Variants in CBFA2T2 observed in about 807,000 individuals in gnomAD.
CBFA2T2 encodes CBFA2/RUNX1 partner transcriptional co-repressor 2.
In CBFA2T2, 11 loss-of-function variants were observed where a neutral mutation model predicts 62.2. The ratio of observed to expected loss-of-function variants is 0.18; its 90% CI spans 0.11 to 0.29. CBFA2T2 has a LOEUF of 0.29. Ranked by LOEUF, CBFA2T2 falls within the 10% of genes least tolerant of loss-of-function variation. The pLI is 1.00. For synonymous variants in CBFA2T2, 295 were observed against 287.5 expected, an observed-to-expected ratio of 1.03 and a Z score of -0.27; for missense variants, 592 against 774.1, an observed-to-expected ratio of 0.76 and a Z score of 2.79.
intron 1 of CBFA2T2, among the ~76,000 whole-genome samples, chr20:33,543,063 G>C (rs1381865142): frequency 1.3e-5 from 2 of 151,828 alleles, no homozygotes; most frequent in Non-Finnish European, 2.9e-5. Context: ...GCCCAGGCTG[G>C]AGTGCAGTGG....
intron 1 of CBFA2T2, among the ~76,000 whole-genome samples, chr20:33,567,074 CATATT>C (rs1199148557): frequency 2.6e-5 from 4 of 152,190 alleles, no homozygotes; most frequent in Non-Finnish European, 5.9e-5. Context: ...AGAAAAACAA[CATATT>C]ATAACTGGTG....
chr20:33,574,397 G>C (rs562016852), intron 1 of CBFA2T2: 2 of 656,244 alleles, frequency 3.0e-6, no homozygotes, highest in South Asian at 3.4e-5. Flanking sequence ...AGGCCAAGGC[G>C]GGTGGATCAC....
chr20:33,639,203 T>C (rs2016733572), intron 9 of CBFA2T2: 1 of 152,246 alleles, frequency 6.6e-6, no homozygotes, highest in Admixed American at 6.6e-5. Flanking sequence ...GTTCAATCAT[T>C]GCACCAGCCT....
intron 1 of CBFA2T2, among the ~76,000 whole-genome samples, chr20:33,556,274 C>A (rs1371269682): frequency 6.6e-6 from 1 of 152,120 alleles, no homozygotes; most frequent in African/African-American, 2.4e-5. Flanking sequence ...ACCAGTTGTT[C>A]TGTACTTAGT....
At chr20:33,590,312 A>G (rs1339465894) in intron 1 of CBFA2T2, among the ~76,000 whole-genome samples, 1 of 152,004 alleles carries the variant, frequency 6.6e-6, no homozygotes, top group East Asian at 1.9e-4. Flanking sequence ...GAAAATAGTT[A>G]AAAGAAACCA....
intron 1 of CBFA2T2, among the ~76,000 whole-genome samples, chr20:33,605,098 T>C (rs2015289780): frequency 6.6e-6 from 1 of 152,220 alleles, no homozygotes; most frequent in African/African-American, 2.4e-5. Flanking sequence ...CTTGATTGAC[T>C]TTATTATATC....
At chr20:33,524,897 C>G (rs897963412) in intron 1 of CBFA2T2, among the ~76,000 whole-genome samples, 1 of 152,144 alleles carries the variant, frequency 6.6e-6, no homozygotes, top group Non-Finnish European at 1.5e-5. Context: ...TACAGTGGCA[C>G]GATCTCAGCT....
Position 33,647,158 on chromosome 20 carries a change from C to T in CBFA2T2, c.*2512C>T, listed in dbSNP as rs1390035509. 2 of 152,246 alleles carry T rather than the reference C, an allele frequency of 1.3e-5. No homozygotes were observed. The highest frequency in any genetic ancestry group is 6.5e-5 in the Admixed American group (1 of 15,280). 9.4% of individuals were successfully genotyped at this position (152,246 alleles called of 1,614,324 possible). Reference sequence around the variant, plus strand: ...ACTCTAAGGGGGACGGAGTCAGTACCCCGGACAGGGCCACATTTGCATGAG... The same window carrying T: ...ACTCTAAGGGGGACGGAGTCAGTACTCCGGACAGGGCCACATTTGCATGAG... On this transcript the variant is annotated 3_prime_UTR_variant, in exon 11 of 11. Coordinates refer to ENST00000342704, the MANE Select transcript of CBFA2T2 (RefSeq NM_001032999.3).
At chr20:33,562,823 C>A in intron 1 of CBFA2T2, 1 of 348,776 alleles carries the variant, frequency 2.9e-6, no homozygotes, top group Non-Finnish European at 4.0e-6. Context: ...TATTTTAATG[C>A]TTCATTTTAT....
intron 9 of CBFA2T2, among the ~76,000 whole-genome samples, chr20:33,638,216 C>G (rs994841729): frequency 6.6e-6 from 1 of 151,960 alleles, no homozygotes; most frequent in Non-Finnish European, 1.5e-5. Flanking sequence ...TTCAGGTGAT[C>G]CACCCGCCTT....
chr20:33,592,972 G>A (rs1360621433), intron 1 of CBFA2T2, among the ~76,000 whole-genome samples: 2 of 152,086 alleles, frequency 1.3e-5, no homozygotes, highest in Non-Finnish European at 2.9e-5. Flanking sequence ...CTTTTCCATT[G>A]TAAAGAAGCT....
At position 33,623,419 on chromosome 20, in the gene CBFA2T2, G is replaced by A; in HGVS notation, c.692+123G>A. ...TGTCTCAAACTTTTTTTGAGACAAG[G>A]CCTGGCTCTGTCGCCCAGACTGGAG... is the stretch of plus-strand genomic sequence containing the variant. On this transcript the variant is annotated intron_variant, in intron 5 of 10. Transcript: ENST00000342704. 2 of 1,116,748 alleles carry A rather than the reference G, an allele frequency of 1.8e-6. 1 individual carries two copies. The highest frequency in any genetic ancestry group is 3.0e-5 in the South Asian group (2 of 67,482). The allele number at this position is 1,116,748 out of a possible 1,614,324, so 69.2% of individuals were successfully genotyped here.
At chr20:33,557,472 G>GT (rs538547486) in intron 1 of CBFA2T2, among the ~76,000 whole-genome samples, 180 of 152,248 alleles carry the variant, frequency 1.2e-3, no homozygotes, top group African/African-American at 4.1e-3. Flanking sequence ...GCTAGGAAGT[G>GT]TATGTATGAA....
intron 1 of CBFA2T2, among the ~76,000 whole-genome samples, chr20:33,552,047 A>T (rs2012755925): frequency 6.7e-6 from 1 of 149,838 alleles, no homozygotes; most frequent in Admixed American, 6.7e-5. Context: ...AATTTTCAAG[A>T]TCACTTTTGA....
Position 33,624,839 on chromosome 20 carries a change from T to G in CBFA2T2, c.768T>G (p.Pro256=). The stretch of plus-strand genomic sequence containing the variant: ...CCAAGAGAGTATGTACCATCAGCCC[T>G]GCTCCTCGGCACAGTCCTGCTCTCA... The part of the protein sequence containing the change: ...PPAKRVCTIS[P]APRHSPALTV... Residue 256 remains proline (P), a synonymous_variant, in exon 6 of 11, where the codon CCT becomes CCG. Coordinates refer to ENST00000342704, the MANE Select transcript of CBFA2T2 (RefSeq NM_001032999.3). 6.2e-7 allele frequency: 1 copy of G among 1,614,210 alleles called. No individual in the cohort carries two copies. The highest frequency in any genetic ancestry group is 1.1e-5 in the South Asian group (1 of 91,088).
chr20:33,630,285 G>A (rs933831540), intron 8 of CBFA2T2, among the ~76,000 whole-genome samples: 40 of 152,072 alleles, frequency 2.6e-4, no homozygotes, highest in African/African-American at 9.2e-4. Flanking sequence ...AATTCTTCGT[G>A]GAGAATGAGA....
At chr20:33,583,080 T>C (rs544928254) in intron 1 of CBFA2T2, among the ~76,000 whole-genome samples, 1 of 152,346 alleles carries the variant, frequency 6.6e-6, no homozygotes, top group East Asian at 1.9e-4. Flanking sequence ...TCCAGCTCTT[T>C]CCTTTTACAT....
intron 1 of CBFA2T2, among the ~76,000 whole-genome samples, chr20:33,576,164 A>G (rs2013817928): frequency 6.6e-6 from 1 of 152,176 alleles, no homozygotes; most frequent in Non-Finnish European, 1.5e-5. Flanking sequence ...TGAGTCTACC[A>G]GGGAGGACTT....
intron 1 of CBFA2T2, among the ~76,000 whole-genome samples, chr20:33,517,146 G>C (rs930851005): frequency 3.3e-5 from 5 of 152,232 alleles, no homozygotes; most frequent in Admixed American, 2.0e-4. Flanking sequence ...AGTTCTTGCA[G>C]ATCTACCAAT....
Sources: gnomAD v4.1 joint callset for allele counts (sites outside exome capture counted in the v4.1 genomes callset) on GRCh38, gnomAD v4.1.1 for gene constraint, MANE v1.5 for transcripts, NCBI Gene and HGNC (gene_info 2026-07-23, HGNC 2026-07-21) for gene names.